The following SCAMP1 variants were observed in gnomAD, a reference collection of about 807,000 sequenced individuals.
SCAMP1 encodes the protein secretory carrier-associated membrane protein 1.
Under a neutral mutation model 41.8 loss-of-function variants are expected in SCAMP1, and 15 were observed. The ratio of observed to expected loss-of-function variants is 0.36; its 90% CI spans 0.24 to 0.55. SCAMP1 has a LOEUF of 0.55. Among genes scored for constraint, SCAMP1 ranks in the 20% least tolerant of loss-of-function variants. The pLI is 0.86. For synonymous variants in SCAMP1, 135 were observed against 136.8 expected, an observed-to-expected ratio of 0.99 and a Z score of 0.09; for missense variants, 341 against 412.6, an observed-to-expected ratio of 0.83 and a Z score of 1.50.
intron 1 of SCAMP1, among the ~76,000 whole-genome samples, chr5:78,380,262 A>G (rs1021388984): frequency 6.6e-6 from 1 of 152,208 alleles, no homozygotes; most frequent in Non-Finnish European, 1.5e-5. Context: ...TGATGCTTCC[A>G]TGTGGTTACA....
Position 78,473,881 on chromosome 5 carries a change from A to G in SCAMP1, c.853-1623A>G, listed in dbSNP as rs369034921. On this transcript the variant is annotated intron_variant, in intron 8 of 8. Transcript: ENST00000621999. ...TTTGGGCTGCTATAACAAAAATACC[A>G]TAGATTGGGTAGCTTAAACAACAGA... Among the ~76,000 whole-genome samples, 402 of 152,224 alleles carry G rather than the reference A, an allele frequency of 2.6e-3. 2 individuals carry two copies. The highest frequency in any genetic ancestry group is 0.014 in the Middle Eastern group (4 of 294).
chr5:78,444,426 C>T (rs572934035), intron 6 of SCAMP1, among the ~76,000 whole-genome samples: 1 of 152,256 alleles, frequency 6.6e-6, no homozygotes, highest in East Asian at 1.9e-4. Context: ...TAAAACCATG[C>T]AGTCTTGTGA....
intron 1 of SCAMP1, among the ~76,000 whole-genome samples, chr5:78,369,176 G>T (rs554644708): frequency 6.6e-6 from 1 of 151,210 alleles, no homozygotes; most frequent in East Asian, 2.0e-4. Flanking sequence ...GCGTGATCTC[G>T]GCTCACTGCA....
intron 6 of SCAMP1, among the ~76,000 whole-genome samples, chr5:78,432,168 T>C (rs1752640947): frequency 6.6e-6 from 1 of 152,180 alleles, no homozygotes; most frequent in African/African-American, 2.4e-5. Flanking sequence ...TCTATCTCTA[T>C]GTGTCACTAC....
At chr5:78,443,612 C>T (rs1580699941) in intron 6 of SCAMP1, among the ~76,000 whole-genome samples, 1 of 147,016 alleles carries the variant, frequency 6.8e-6, no homozygotes, top group African/African-American at 2.5e-5. Context: ...CTCTTTCATT[C>T]CAGTCCTGTG....
chr5:78,472,959 A>G, intron 8 of SCAMP1, among the ~76,000 whole-genome samples: 1 of 152,176 alleles, frequency 6.6e-6, no homozygotes, highest in East Asian at 1.9e-4. Context: ...AAGAAGGTTG[A>G]TAAGATTTCT....
At position 78,426,971 on chromosome 5, in the gene SCAMP1, T is replaced by C. The variant is rs115850834; in HGVS notation, c.632+5011T>C. ...TTTTATTTATGCATTCACCAGTTAA[T>C]GGATATTTGGCTCTTTTCAACTTTT... On this transcript the variant is annotated intron_variant, in intron 6 of 8. Transcript: ENST00000621999. 8.9e-3 allele frequency among the ~76,000 whole-genome samples: 1,350 copies of C among 152,358 alleles called. 16 individuals carry two copies. The highest frequency in any genetic ancestry group is 0.031 in the African/African-American group (1,272 of 41,584).
chr5:78,370,324 G>C (rs147392504), intron 1 of SCAMP1, among the ~76,000 whole-genome samples: 8 of 152,316 alleles, frequency 5.3e-5, no homozygotes, highest in Admixed American at 5.2e-4. Context: ...CTTTCAGTGG[G>C]TGTGGGATAT....
chr5:78,441,156 C>T (rs1378523192), intron 6 of SCAMP1, among the ~76,000 whole-genome samples: 1 of 152,180 alleles, frequency 6.6e-6, no homozygotes, highest in Non-Finnish European at 1.5e-5. Context: ...CTTTCACTTC[C>T]CAGGTGAGGT....
At chr5:78,470,218 T>C (rs1265701186) in intron 8 of SCAMP1, among the ~76,000 whole-genome samples, 1 of 152,184 alleles carries the variant, frequency 6.6e-6, no homozygotes, top group African/African-American at 2.4e-5. Flanking sequence ...TACATTTAGG[T>C]ATACAATTCA....
chr5:78,413,344 C>G (rs1246148880), intron 2 of SCAMP1, among the ~76,000 whole-genome samples: 3 of 150,446 alleles, frequency 2.0e-5, no homozygotes, highest in African/African-American at 7.3e-5. Context: ...TACTGTGGTT[C>G]TATAATAAGC....
chr5:78,395,760 CT>C (rs939765102), intron 2 of SCAMP1, among the ~76,000 whole-genome samples: 11 of 152,330 alleles, frequency 7.2e-5, no homozygotes, highest in African/African-American at 1.9e-4. Flanking sequence ...TTCTTGCCCC[CT>C]GGGCCTCTCC....
intron 1 of SCAMP1, among the ~76,000 whole-genome samples, chr5:78,371,593 C>T (rs1750944794): frequency 6.6e-6 from 1 of 152,170 alleles, no homozygotes; most frequent in Admixed American, 6.5e-5. Context: ...ACTTGTCCGG[C>T]TTCTAAAATT....
At chr5:78,397,643 G>A (rs1236235768) in intron 2 of SCAMP1, among the ~76,000 whole-genome samples, 1 of 152,138 alleles carries the variant, frequency 6.6e-6, no homozygotes, top group African/African-American at 2.4e-5. Context: ...CAACCAGGCT[G>A]GGTGTGGTGG....
At chr5:78,426,677 T>C (rs1752478228) in intron 6 of SCAMP1, among the ~76,000 whole-genome samples, 1 of 152,208 alleles carries the variant, frequency 6.6e-6, no homozygotes, top group South Asian at 2.1e-4. Context: ...TTTAGAACTT[T>C]TCCATCCTTC....
intron 7 of SCAMP1, among the ~76,000 whole-genome samples, chr5:78,454,577 C>T (rs1342373074): frequency 4.5e-4 from 67 of 148,572 alleles, no homozygotes; most frequent in African/African-American, 1.6e-3. Flanking sequence ...CTGCTGGATT[C>T]GTTTTGCCAG....
chr5:78,400,566 A>G (rs1561261224), intron 2 of SCAMP1, among the ~76,000 whole-genome samples: 1 of 152,208 alleles, frequency 6.6e-6, no homozygotes, highest in Non-Finnish European at 1.5e-5. Flanking sequence ...TATAGAATGT[A>G]TACATATTTC....
At position 78,379,700 on chromosome 5, in the gene SCAMP1, G is replaced by A. The variant is rs145944980; in HGVS notation, c.58-9137G>A. ...TAAGTTATACCTTATTTATTTATTGGCTTTTAAAAGTATTTAAGGTGAATT... is the reference window on the plus strand; with the variant it reads ...TAAGTTATACCTTATTTATTTATTGACTTTTAAAAGTATTTAAGGTGAATT... On this transcript the variant is annotated intron_variant, in intron 1 of 8. Coordinates refer to ENST00000621999, the MANE Select transcript of SCAMP1 (RefSeq NM_004866.6). 2.3e-3 allele frequency among the ~76,000 whole-genome samples: 343 copies of A among 152,234 alleles called. 7 individuals carry two copies. In the East Asian group the frequency reaches 0.044, roughly 20 times the overall value.
intron 6 of SCAMP1, among the ~76,000 whole-genome samples, chr5:78,447,077 G>A (rs1753068855): frequency 6.6e-6 from 1 of 152,222 alleles, no homozygotes; most frequent in African/African-American, 2.4e-5. Context: ...TGAACTGCGT[G>A]TGCAAAGGAT....
Sources: gnomAD v4.1 joint callset for allele counts (sites outside exome capture counted in the v4.1 genomes callset) on GRCh38, gnomAD v4.1.1 for gene constraint, MANE v1.5 for transcripts, NCBI Gene and HGNC (gene_info 2026-07-23, HGNC 2026-07-21) for gene names.